The following RAPGEF6 variants were observed in gnomAD, a reference collection of about 807,000 sequenced individuals.
RAPGEF6 encodes the protein Rap guanine nucleotide exchange factor 6, also known as PDZ domain containing guanine nucleotide exchange factor (GEF) 2.
In RAPGEF6, 56 loss-of-function variants were observed where a neutral mutation model predicts 171.4. That is an observed-to-expected ratio of 0.33 (90% CI 0.26 to 0.41). The LOEUF (loss-of-function observed/expected upper bound fraction) is 0.41, where lower values mean the gene tolerates loss of function less well. Ranked by LOEUF, RAPGEF6 falls within the 10% of genes least tolerant of loss-of-function variation. The probability of loss-of-function intolerance (pLI) is 1.00; values close to 1 mark genes in which losing one functional copy is unlikely to be tolerated. For missense variants in RAPGEF6, 1,674 were observed against 1,921.4 expected, an observed-to-expected ratio of 0.87 and a Z score of 2.41; for synonymous variants, 692 against 650.1, an observed-to-expected ratio of 1.06 and a Z score of -0.98.
In RAPGEF6 at chr5:131,625,847, T is replaced by C. The variant is rs1580700084; in HGVS notation, c.69+9115A>G. Among the ~76,000 whole-genome samples, 5 of 151,820 alleles carry C rather than the reference T, an allele frequency of 3.3e-5. No individual in the cohort carries two copies. The South Asian group carries it at 1.0e-3, about 32-fold the overall frequency. ...AAAAAACCATACTTCTTGGTTTCCA[T>C]ATTATCTTAGTATAATCACTAGTAG... is the stretch of plus-strand genomic sequence containing the variant. On this transcript the variant is annotated intron_variant, in intron 1 of 27. Coordinates refer to ENST00000509018, the MANE Select transcript of RAPGEF6 (RefSeq NM_016340.6).
intron 6 of RAPGEF6, among the ~76,000 whole-genome samples, chr5:131,532,763 T>C (rs1046859966): frequency 6.6e-6 from 1 of 152,190 alleles, no homozygotes; most frequent in African/African-American, 2.4e-5. Context: ...TCTCCAAAAT[T>C]GTAATTATTT....
At chr5:131,610,223 G>A (rs1764858085) in intron 1 of RAPGEF6, among the ~76,000 whole-genome samples, 1 of 152,072 alleles carries the variant, frequency 6.6e-6, no homozygotes, top group African/African-American at 2.4e-5. Flanking sequence ...AGCCACAAAG[G>A]GATTTTGTAC....
At chr5:131,563,276 C>T (rs1010265436) in intron 4 of RAPGEF6, among the ~76,000 whole-genome samples, 2 of 151,494 alleles carry the variant, frequency 1.3e-5, no homozygotes, top group African/African-American at 4.9e-5. Flanking sequence ...AAACAAAATA[C>T]CAAAAAACAT....
chr5:131,612,252 A>G (rs1174182854), intron 1 of RAPGEF6, among the ~76,000 whole-genome samples: 1 of 145,956 alleles, frequency 6.9e-6, no homozygotes, highest in East Asian at 2.0e-4. Flanking sequence ...GGAAACGATA[A>G]TTTGAATATC....
intron 4 of RAPGEF6, among the ~76,000 whole-genome samples, chr5:131,573,828 A>G (rs1561573956): frequency 6.6e-6 from 1 of 152,110 alleles, no homozygotes; most frequent in South Asian, 2.1e-4. Context: ...ACAGCCCTAG[A>G]CCCAGAGGGG....
intron 21 of RAPGEF6, among the ~76,000 whole-genome samples, chr5:131,450,227 A>G (rs975366229): frequency 1.3e-5 from 2 of 152,222 alleles, no homozygotes; most frequent in Non-Finnish European, 2.9e-5. Flanking sequence ...TAAGATGAGT[A>G]TATACTGAAG....
rs576764476 is a variant in RAPGEF6 at position 131,549,170 on chromosome 5, GAACA to G, written c.352-984_352-981del. On this transcript the variant is annotated intron_variant, in intron 5 of 27. Coordinates refer to ENST00000509018, the MANE Select transcript of RAPGEF6 (RefSeq NM_016340.6). ...AGACTGCACTGCCTGTCCAATCACAGAACAAACCATAATTTTTTAAATTAACTAT... is the reference window on the plus strand; with the variant it reads ...AGACTGCACTGCCTGTCCAATCACAGAACCATAATTTTTTAAATTAACTAT... Among the ~76,000 whole-genome samples, 487 of 152,184 alleles carry G rather than the reference GAACA, an allele frequency of 3.2e-3. 3 individuals are homozygous for G. Among genetic ancestry groups the G allele is most frequent in the African/African-American group, 0.011 (462 of 41,518 alleles).
intron 4 of RAPGEF6, among the ~76,000 whole-genome samples, chr5:131,590,218 G>A (rs908798745): frequency 6.6e-5 from 10 of 152,096 alleles, no homozygotes; most frequent in Non-Finnish European, 1.3e-4. Context: ...TAGCCAACAT[G>A]GTGAAACCCT....
chr5:131,488,183 G>C (rs1002207831), intron 15 of RAPGEF6, among the ~76,000 whole-genome samples: 5 of 152,054 alleles, frequency 3.3e-5, no homozygotes, highest in African/African-American at 1.2e-4. Context: ...ACTACTCAAA[G>C]GGTTCTGAGG....
chr5:131,466,135 A>C (rs1477143574), intron 17 of RAPGEF6, among the ~76,000 whole-genome samples: 2 of 151,940 alleles, frequency 1.3e-5, no homozygotes, highest in East Asian at 3.9e-4. Context: ...GAGGACTGAA[A>C]GATTCAACTG....
chr5:131,613,397 G>A (rs541064227), intron 1 of RAPGEF6, among the ~76,000 whole-genome samples: 47 of 152,082 alleles, frequency 3.1e-4, no homozygotes, highest in African/African-American at 1.0e-3. Context: ...GCGACACAGC[G>A]AGACTCCGTG....
intron 6 of RAPGEF6, among the ~76,000 whole-genome samples, chr5:131,537,053 C>T (rs961296177): frequency 1.3e-5 from 2 of 152,108 alleles, no homozygotes; most frequent in Non-Finnish European, 2.9e-5. Flanking sequence ...AAGGTAATAA[C>T]GTTAGGTCAG....
Position 131,425,583 on chromosome 5 carries a change from C to G in RAPGEF6, c.*1683G>C, listed in dbSNP as rs896267085. 6.6e-6 allele frequency: 1 copy of G among 152,290 alleles called. No individual in the cohort carries two copies. The highest frequency in any genetic ancestry group is 1.5e-5 in the Non-Finnish European group (1 of 68,024). The allele number at this position is 152,290 out of a possible 1,614,324, so 9.4% of individuals were successfully genotyped here. ...CGATTAATTTCTAAGGCTTAAGTTT[C>G]AGATTAATGTTTCTTTACCACAGGA... is the stretch of plus-strand genomic sequence containing the variant. On this transcript the variant is annotated 3_prime_UTR_variant, in exon 28 of 28. Coordinates refer to ENST00000509018, the MANE Select transcript of RAPGEF6 (RefSeq NM_016340.6).
At chr5:131,536,655 G>A (rs776001220) in intron 6 of RAPGEF6, among the ~76,000 whole-genome samples, 12 of 152,064 alleles carry the variant, frequency 7.9e-5, no homozygotes, top group Non-Finnish European at 1.5e-4. Context: ...ATCAACCAAG[G>A]TGATGTAAGC....
intron 1 of RAPGEF6, among the ~76,000 whole-genome samples, chr5:131,615,596 A>G (rs1337661626): frequency 1.3e-5 from 2 of 152,180 alleles, no homozygotes; most frequent in Admixed American, 6.5e-5. Context: ...AAGCTGCTCT[A>G]TGTAGCTTTC....
At chr5:131,528,336 T>C (rs1169756815) in intron 6 of RAPGEF6, among the ~76,000 whole-genome samples, 8 of 24,466 alleles carry the variant, frequency 3.3e-4, no homozygotes, top group Non-Finnish European at 7.2e-4. Flanking sequence ...TATATATATA[T>C]ATACACACAC....
At chr5:131,618,372 T>C (rs1434808211) in intron 1 of RAPGEF6, among the ~76,000 whole-genome samples, 1 of 152,090 alleles carries the variant, frequency 6.6e-6, no homozygotes, top group African/African-American at 2.4e-5. Context: ...GGTCCACAAC[T>C]ATAATCCCAG....
intron 9 of RAPGEF6, among the ~76,000 whole-genome samples, chr5:131,505,735 G>A (rs901946427): frequency 6.6e-6 from 1 of 152,068 alleles, no homozygotes; most frequent in African/African-American, 2.4e-5. Context: ...CACCAAACAA[G>A]AACTGTCATA....
chr5:131,613,202 A>C (rs1157490284), intron 1 of RAPGEF6, among the ~76,000 whole-genome samples: 1 of 152,208 alleles, frequency 6.6e-6, no homozygotes, highest in Non-Finnish European at 1.5e-5. Context: ...TGAGGTCAGG[A>C]GATCAAGACC....
Sources: allele counts gnomAD v4.1 joint callset (sites outside exome capture counted in the v4.1 genomes callset), GRCh38; gene constraint gnomAD v4.1.1; transcripts MANE v1.5; gene names NCBI Gene and HGNC (gene_info 2026-07-23, HGNC 2026-07-21).